Variants in CFHR5 observed in about 807,000 individuals in gnomAD.
CFHR5 encodes the protein complement factor H-related protein 5.
Under a neutral mutation model 62.9 loss-of-function variants are expected in CFHR5, and 73 were observed. The ratio of observed to expected loss-of-function variants is 1.16; its 90% confidence interval spans 0.96 to 1.41. The LOEUF (loss-of-function observed/expected upper bound fraction) is 1.41. CFHR5 is among the 40% of genes most tolerant of loss of function. CFHR5 has a pLI of 0.00. For synonymous variants in CFHR5, 249 were observed against 227.2 expected, an observed-to-expected ratio of 1.10 and a Z score of -0.86; for missense variants, 779 against 679.9, an observed-to-expected ratio of 1.15 and a Z score of -1.62.
chr1:196,987,052 A>C (rs1044734582), intron 3 of CFHR5, among the ~76,000 whole-genome samples: 1 of 152,126 alleles, frequency 6.6e-6, no homozygotes, highest in Non-Finnish European at 1.5e-5. Context: ...CTTTTTAATG[A>C]TCGCCATTCT....
chr1:196,998,421 T>C (rs1453256464), intron 7 of CFHR5, 117 bp downstream of exon 7: 2 of 842,612 alleles, frequency 2.4e-6, no homozygotes, highest in Non-Finnish European at 3.9e-6. Flanking sequence ...TCTATGCTAA[T>C]AGTAAAGTAG....
At position 196,995,824 on chromosome 1, in the gene CFHR5, C is replaced by A; in HGVS notation, c.715C>A (p.Pro239Thr). Residue 239 changes from proline to threonine, a missense_variant, in exon 5 of 10, where the codon CCT (proline) becomes ACT (threonine). Pro to Thr is a conservative substitution (Grantham distance 38, BLOSUM62 -1). Coordinates refer to ENST00000256785, the MANE Select transcript of CFHR5 (RefSeq NM_030787.4). ...HNEVVEYDCN[P>T]NFIINGPKKI... ...TGAAGTAGTGGAATATGATTGCAAT[C>A]CTAATTTTATAATAAACGGGCCTAA... is the stretch of plus-strand genomic sequence containing the variant. 1 of 1,612,796 alleles carries A rather than the reference C, an allele frequency of 6.2e-7. No individual in the cohort carries two copies. Among genetic ancestry groups the A allele is most frequent in the South Asian group, 1.1e-5 (1 of 91,060 alleles).
At chr1:196,991,107 T>G (rs1384313659) in intron 3 of CFHR5, among the ~76,000 whole-genome samples, 1 of 152,194 alleles carries the variant, frequency 6.6e-6, no homozygotes, top group Non-Finnish European at 1.5e-5. Context: ...CTTTATTTCA[T>G]TAATTTGATC....
intron 9 of CFHR5, among the ~76,000 whole-genome samples, chr1:197,005,636 A>C (rs950956518): frequency 6.6e-6 from 1 of 152,152 alleles, no homozygotes; most frequent in Non-Finnish European, 1.5e-5. Context: ...CTCTATAATA[A>C]GTGGAAGAAA....
At chr1:196,994,405 T>C in intron 4 of CFHR5, 149 bp downstream of exon 4, 1 of 676,370 alleles carries the variant, frequency 1.5e-6, no homozygotes, top group African/African-American at 1.8e-5. Context: ...GTAATTGAGC[T>C]GCATAGATTA....
At chr1:196,986,339 A>C (rs1177796521) in intron 3 of CFHR5, among the ~76,000 whole-genome samples, 1 of 151,612 alleles carries the variant, frequency 6.6e-6, no homozygotes, top group African/African-American at 2.4e-5. Flanking sequence ...CAGCTGGAAA[A>C]CCCTACATTG....
chr1:196,988,786 G>T (rs945480487), intron 3 of CFHR5, among the ~76,000 whole-genome samples: 1 of 152,092 alleles, frequency 6.6e-6, no homozygotes, highest in Non-Finnish European at 1.5e-5. Context: ...TTTTATTGAG[G>T]ATTTTCACAT....
At chr1:197,006,486 A>G (rs1654293152) in intron 9 of CFHR5, among the ~76,000 whole-genome samples, 1 of 152,024 alleles carries the variant, frequency 6.6e-6, no homozygotes, top group Non-Finnish European at 1.5e-5. Context: ...CAAGGCAGGA[A>G]GAATCACCTG....
intron 3 of CFHR5, among the ~76,000 whole-genome samples, chr1:196,993,137 G>GT (rs1438493174): frequency 7.0e-4 from 107 of 152,178 alleles, no homozygotes; most frequent in African/African-American, 2.4e-3. Context: ...AAACATATTA[G>GT]TGATAGAGTT....
At chr1:196,981,339 A>C (rs1653535837) in intron 1 of CFHR5, among the ~76,000 whole-genome samples, 1 of 152,084 alleles carries the variant, frequency 6.6e-6, no homozygotes, top group Non-Finnish European at 1.5e-5. Flanking sequence ...GTAAACCCTA[A>C]TGTAAACTAT....
chr1:196,996,870 AAGTAAGT>A (rs201689895), intron 6 of CFHR5, among the ~76,000 whole-genome samples: 2,047 of 151,500 alleles, frequency 0.014, 40 homozygotes, highest in African/African-American at 0.045. Flanking sequence ...AGTAAGTAGT[AAGTAAGT>A]AGTAAGTAGT....
chr1:196,986,490 T>A (rs901832323), intron 3 of CFHR5, among the ~76,000 whole-genome samples: 1 of 152,038 alleles, frequency 6.6e-6, no homozygotes, highest in Admixed American at 6.6e-5. Context: ...ATTTACATTA[T>A]GTATTTTGCC....
chr1:196,986,224 A>G (rs111902277), intron 3 of CFHR5, among the ~76,000 whole-genome samples: 1,959 of 152,254 alleles, frequency 0.013, 21 homozygotes, highest in Non-Finnish European at 0.022. Flanking sequence ...GTAAGGTAAC[A>G]TCTTGCAAGT....
In CFHR5 at chr1:196,977,647, C is replaced by T. The variant is rs1346834238; in HGVS notation, c.-18C>T. The T allele has an allele frequency of 2.5e-6, 4 of 1,599,796 alleles. No homozygotes were observed. Among genetic ancestry groups the T allele is most frequent in the Non-Finnish European group, 2.6e-6 (3 of 1,167,362 alleles). On this transcript the variant is annotated 5_prime_UTR_variant, in exon 1 of 10. It adds an upstream start codon to the 5' untranslated region. Transcript: ENST00000256785. ...TCACTGGAGTATTTTTAGTTATATA[C>T]GATTGAGACTACCAAGCATGTTGCT...
In CFHR5 at chr1:196,995,857, C is replaced by G; in HGVS notation, c.748C>G (p.Gln250Glu). ...TATAATAAACGGGCCTAAGAAAATA[C>G]AATGTGTGGATGGAGAATGGACAAC... The part of the protein sequence containing the change: ...NFIINGPKKI[Q>E]CVDGEWTTLP... The change falls in exon 5 of 10, where the codon CAA becomes GAA. Residue 250 changes from glutamine (Q) to glutamate (E), a missense_variant. Physicochemically the swap from Gln to Glu is conservative, Grantham distance 29 (BLOSUM62 2). Transcript: ENST00000256785. The G allele has an allele frequency of 1.9e-6, 3 of 1,613,222 alleles. No homozygotes were observed. The highest frequency in any genetic ancestry group is 2.5e-6 in the Non-Finnish European group (3 of 1,179,384).
At chr1:196,990,910 C>T (rs1218035844) in intron 3 of CFHR5, among the ~76,000 whole-genome samples, 1 of 152,054 alleles carries the variant, frequency 6.6e-6, no homozygotes, top group Non-Finnish European at 1.5e-5. Flanking sequence ...GAATGTTGAC[C>T]TGCCTTGCTA....
At chr1:196,999,838 A>T (rs1313774744) in intron 7 of CFHR5, among the ~76,000 whole-genome samples, 2 of 148,092 alleles carry the variant, frequency 1.4e-5, no homozygotes, top group Non-Finnish European at 1.5e-5. Flanking sequence ...TATATATATA[A>T]TATATATGTA....
intron 3 of CFHR5, among the ~76,000 whole-genome samples, chr1:196,987,479 G>GT (rs1182453949): frequency 6.6e-6 from 1 of 152,130 alleles, no homozygotes; most frequent in Non-Finnish European, 1.5e-5. Context: ...TTCTTCTAGG[G>GT]TTTTTATGGT....
intron 8 of CFHR5, among the ~76,000 whole-genome samples, chr1:197,004,289 C>T (rs1432907751): frequency 6.6e-6 from 1 of 152,040 alleles, no homozygotes; most frequent in Non-Finnish European, 1.5e-5. Context: ...TGATCATATA[C>T]TAGTTGGTAT....
Sources: allele counts gnomAD v4.1 joint callset (sites outside exome capture counted in the v4.1 genomes callset), GRCh38; gene constraint gnomAD v4.1.1; transcripts MANE v1.5; gene names NCBI Gene and HGNC (gene_info 2026-07-23, HGNC 2026-07-21).